The following SGCZ variants were observed in gnomAD, a reference collection of about 807,000 sequenced individuals.
SGCZ encodes zeta-sarcoglycan.
SGCZ carries 40 observed loss-of-function variants against 41.3 expected under a neutral mutation model. The observed-to-expected ratio is 0.97, with a 90% CI of 0.75 to 1.26. SGCZ has a LOEUF of 1.26. Among genes scored for constraint, SGCZ ranks in the 50% most tolerant of loss-of-function variants. SGCZ has a pLI of 0.00. For missense variants in SGCZ, 552 were observed against 369.8 expected (o/e 1.49, Z -4.04); for synonymous variants, 206 against 137.5 (o/e 1.50, Z -3.49).
At chr8:14,709,415 T>G (rs2117619498) in intron 1 of SGCZ, among the ~76,000 whole-genome samples, 1 of 152,284 alleles carries the variant, frequency 6.6e-6, no homozygotes, top group Admixed American at 6.5e-5. Context: ...AAACATTTAA[T>G]TTAGTCATTT....
intron 4 of SGCZ, among the ~76,000 whole-genome samples, chr8:14,188,302 CTT>C: frequency 6.6e-6 from 1 of 152,300 alleles, no homozygotes; most frequent in South Asian, 2.1e-4. Flanking sequence ...TATTTCTTCT[CTT>C]TTCTTCCTTT....
chr8:14,713,488 A>C (rs1809587404), intron 1 of SGCZ, among the ~76,000 whole-genome samples: 1 of 152,282 alleles, frequency 6.6e-6, no homozygotes, highest in East Asian at 1.9e-4. Context: ...TCAAAATACT[A>C]GGATAAAACT....
chr8:14,477,788 T>G (rs148106143), intron 2 of SGCZ, among the ~76,000 whole-genome samples: 98 of 152,338 alleles, frequency 6.4e-4, no homozygotes, highest in African/African-American at 2.3e-3. Context: ...TGAAAAATCA[T>G]ACCTCTGCCT....
chr8:14,125,741 A>G (rs1480922742), intron 5 of SGCZ, among the ~76,000 whole-genome samples: 1 of 152,170 alleles, frequency 6.6e-6, no homozygotes, highest in East Asian at 1.9e-4. Flanking sequence ...AGGCTACAGT[A>G]ACCAAAATCA....
At chr8:14,958,645 T>A (rs531847024) in intron 1 of SGCZ, among the ~76,000 whole-genome samples, 1 of 152,236 alleles carries the variant, frequency 6.6e-6, no homozygotes, top group African/African-American at 2.4e-5. Context: ...TGAGTAATAC[T>A]AGTTGTGTGC....
intron 2 of SGCZ, among the ~76,000 whole-genome samples, chr8:14,455,455 T>TACACACACACACACACACACAC (rs5889534): frequency 1.4e-5 from 2 of 144,352 alleles, no homozygotes; most frequent in Admixed American, 1.4e-4. Flanking sequence ...TTTGCATGCA[T>TACACACACACACACACACACAC]ACACACACAC....
At chr8:14,976,627 C>T (rs951790595) in intron 1 of SGCZ, among the ~76,000 whole-genome samples, 15 of 152,114 alleles carry the variant, frequency 9.9e-5, no homozygotes, top group Non-Finnish European at 8.8e-5. Context: ...CTTGTAACAA[C>T]GTCACTTTCA....
At chr8:14,778,521 C>G (rs1390369758) in intron 1 of SGCZ, among the ~76,000 whole-genome samples, 6 of 146,932 alleles carry the variant, frequency 4.1e-5, no homozygotes, top group African/African-American at 1.3e-4. Context: ...CTAAAGACAC[C>G]TTAAAAAAAA....
At chr8:14,913,665 A>C (rs994543056) in intron 1 of SGCZ, among the ~76,000 whole-genome samples, 9 of 152,082 alleles carry the variant, frequency 5.9e-5, no homozygotes, top group Non-Finnish European at 1.3e-4. Flanking sequence ...AATCTATTTT[A>C]TGCAACTGTT....
rs931254144 is a variant in SGCZ, at chr8:15,040,769, G to C, written c.39+196816C>G. 5.3e-5 allele frequency among the ~76,000 whole-genome samples: 8 copies of C among 152,136 alleles called. No homozygotes were observed. In the East Asian group the frequency reaches 1.5e-3, roughly 29 times the overall value. On this transcript the variant is annotated intron_variant, in intron 1 of 7. Transcript: ENST00000382080. Reference sequence around the variant, plus strand: ...TCTATCCAATACTGGAAAAAGTCACGTCACTAGGGTGAGCTGCACTTTTTT... The same window carrying C: ...TCTATCCAATACTGGAAAAAGTCACCTCACTAGGGTGAGCTGCACTTTTTT...
At position 14,237,684 on chromosome 8, in the gene SGCZ, G is replaced by A. The variant is rs1218329750; in HGVS notation, c.337-5C>T. 1.2e-6 allele frequency: 2 copies of A among 1,607,308 alleles called. No homozygotes were observed. Among genetic ancestry groups the A allele is most frequent in the Admixed American group, 3.4e-5 (2 of 59,048 alleles). ...CTGTAAGACCAGCGGACTATCCTGG[G>A]AAACATGTATAAAATAAATAAATAG... is the stretch of plus-strand genomic sequence containing the variant. On this transcript the variant is annotated splice_polypyrimidine_tract_variant and splice_region_variant and intron_variant, in intron 3 of 7. Transcript: ENST00000382080.
At chr8:15,128,948 C>G (rs1352427853) in intron 1 of SGCZ, among the ~76,000 whole-genome samples, 1 of 152,146 alleles carries the variant, frequency 6.6e-6, no homozygotes, top group African/African-American at 2.4e-5. Flanking sequence ...CCTCCCCAAA[C>G]TTGGTGAATT....
intron 2 of SGCZ, among the ~76,000 whole-genome samples, chr8:14,381,208 T>C (rs1193964333): frequency 1.3e-5 from 2 of 152,232 alleles, no homozygotes; most frequent in African/African-American, 4.8e-5. Context: ...AATTCTAATG[T>C]TTTTGGCCAG....
chr8:14,680,284 A>G (rs1192518369), intron 1 of SGCZ, among the ~76,000 whole-genome samples: 3 of 152,172 alleles, frequency 2.0e-5, no homozygotes, highest in Non-Finnish European at 4.4e-5. Context: ...TATACGTGTC[A>G]TTATAAACTT....
At position 14,514,783 on chromosome 8, in the gene SGCZ, A is replaced by ATGTG. The variant is rs200862544; in HGVS notation, c.234+39945_234+39948dup. On this transcript the variant is annotated intron_variant, in intron 2 of 7. Transcript: ENST00000382080. ...TGTAAATTTATATACATATATGTAA[A>ATGTG]TGTGTGTGTGTGTGTGTGTGTGTGT... 8.0e-5 allele frequency among the ~76,000 whole-genome samples: 8 copies of ATGTG among 100,390 alleles called. No homozygotes were observed. In the South Asian group the frequency reaches 1.1e-3, roughly 14 times the overall value. 65.9% of individuals were successfully genotyped at this position (100,390 alleles called of 152,430 possible). A position where few individuals can be genotyped will look rare whatever the true frequency, so the allele number is the denominator to read the frequency against.
chr8:14,216,100 T>C (rs1805984756), intron 4 of SGCZ, among the ~76,000 whole-genome samples: 1 of 152,206 alleles, frequency 6.6e-6, no homozygotes, highest in Non-Finnish European at 1.5e-5. Flanking sequence ...ATTAACATGA[T>C]CGCCCTCCCC....
intron 2 of SGCZ, among the ~76,000 whole-genome samples, chr8:14,455,453 C>A (rs966686290): frequency 1.0e-5 from 1 of 100,262 alleles, no homozygotes; most frequent in Non-Finnish European, 2.0e-5. Context: ...CATTTGCATG[C>A]ATACACACAC....
chr8:15,012,029 G>C (rs191108246), intron 1 of SGCZ, among the ~76,000 whole-genome samples: 1 of 152,144 alleles, frequency 6.6e-6, no homozygotes, highest in Non-Finnish European at 1.5e-5. Context: ...CTTGCACACA[G>C]AATTCTGTTT....
chr8:14,537,889 A>C (rs1039318697), intron 2 of SGCZ, among the ~76,000 whole-genome samples: 11 of 152,038 alleles, frequency 7.2e-5, no homozygotes, highest in African/African-American at 2.6e-4. Context: ...AAATGAATCG[A>C]TAAAAATAGA....
Sources: gnomAD v4.1 joint callset for allele counts (sites outside exome capture counted in the v4.1 genomes callset) on GRCh38, gnomAD v4.1.1 for gene constraint, MANE v1.5 for transcripts, NCBI Gene and HGNC (gene_info 2026-07-23, HGNC 2026-07-21) for gene names.